Variants in SLC12A9 observed in about 807,000 individuals in gnomAD.
SLC12A9 encodes CCC-interacting protein 1.
In SLC12A9, 55 loss-of-function variants were observed where a neutral mutation model predicts 66.0. The observed-to-expected ratio is 0.83, with a 90% CI of 0.67 to 1.04. SLC12A9 has a LOEUF of 1.04. SLC12A9 is among the 50% of genes least tolerant of loss of function. The pLI, the probability that SLC12A9 is intolerant of heterozygous loss-of-function variation, is 0.00. For missense variants in SLC12A9, 1,061 were observed against 1,241.9 expected, an observed-to-expected ratio of 0.85 and a Z score of 2.19; for synonymous variants, 577 against 569.0, an observed-to-expected ratio of 1.01 and a Z score of -0.20.
At chr7:100,848,138 A>AT (rs1813959326), upstream of SLC12A9, among the ~76,000 whole-genome samples, 1 of 150,716 alleles carries the variant, frequency 6.6e-6, no homozygotes, top group African/African-American at 2.4e-5. Flanking sequence ...ATTGTTGGCT[A>AT]TACAGCCTGA....
At chr7:100,832,541 G>C (rs1813563806) in intron 1 of SLC12A9, among the ~76,000 whole-genome samples, 1 of 151,882 alleles carries the variant, frequency 6.6e-6, no homozygotes, top group African/African-American at 2.4e-5. Flanking sequence ...CCATCCTAGA[G>C]GAAAGACAGA....
chr7:100,839,519 T>C (rs1224956969), intron 1 of SLC12A9, among the ~76,000 whole-genome samples: 1 of 152,214 alleles, frequency 6.6e-6, no homozygotes, highest in Non-Finnish European at 1.5e-5. Flanking sequence ...AGGCAGCTCC[T>C]TAGGCGGCTT....
At chr7:100,848,833 C>A (rs1209517312), upstream of SLC12A9, among the ~76,000 whole-genome samples, 1 of 151,698 alleles carries the variant, frequency 6.6e-6, no homozygotes, top group Non-Finnish European at 1.5e-5. Flanking sequence ...TTGCAGTGAG[C>A]CGAGATCGTG....
At chr7:100,831,496 G>A (rs1328255945) in intron 1 of SLC12A9, among the ~76,000 whole-genome samples, 1 of 148,748 alleles carries the variant, frequency 6.7e-6, no homozygotes, top group African/African-American at 2.5e-5. Context: ...CTTTTTTTTA[G>A]AGATAGGGTC....
rs781190496 is a variant in SLC12A9 at position 100,866,065 on chromosome 7, G to T, written c.2205G>T (p.Arg735=). Reference sequence around the variant, plus strand: ...GGCCCCTCAACCTGCTGCGGCCCCGGGGTGGGCCCGGCTATGTGGATGTCT... The same window carrying T: ...GGCCCCTCAACCTGCTGCGGCCCCGTGGTGGGCCCGGCTATGTGGATGTCT... ...DVWPLNLLRP[R]GGPGYVDVCG... is the part of the protein sequence containing the mutation. Residue 735 remains arginine, a synonymous_variant, in exon 14 of 14, where the codon CGG becomes CGT. Transcript: ENST00000354161. The surrounding 1 kb of genome is among the most constrained non-coding windows in gnomAD (Gnocchi z 7.3). The T allele has an allele frequency of 1.2e-6, 2 of 1,612,830 alleles. No individual in the cohort carries two copies. The highest frequency in any genetic ancestry group is 8.5e-7 in the Non-Finnish European group (1 of 1,179,876).
At position 100,865,737 on chromosome 7, in the gene SLC12A9, C is replaced by T. The variant is rs755769547; in HGVS notation, c.1877C>T (p.Thr626Met). 9.3e-6 allele frequency: 15 copies of T among 1,611,150 alleles called. No homozygotes were observed. The highest frequency in any genetic ancestry group is 2.2e-5 in the East Asian group (1 of 44,840). The change falls in exon 14 of 14, where the codon ACG becomes ATG. Residue 626 changes from threonine (T) to methionine (M), a missense_variant. Transcript: ENST00000354161. Reference sequence around the variant, plus strand: ...CCCCCAGGTGGCATGAAGCCCAACACGTTGGTCCTAGGTTTCTACGATGAC... The same window carrying T: ...CCCCCAGGTGGCATGAAGCCCAACATGTTGGTCCTAGGTTTCTACGATGAC... ...ISGLGGMKPN[T>M]LVLGFYDDAP...
At position 100,861,325 on chromosome 7, in the gene SLC12A9, C is replaced by A; in HGVS notation, c.1343+63C>A. ...GGAGGACTCGGGCTCAGGCGTGGGG[C>A]TGGGGACTGCAGCCTCGTGTGCGGC... On this transcript the variant is annotated intron_variant, in intron 10 of 13. Coordinates refer to ENST00000354161, the MANE Select transcript of SLC12A9 (RefSeq NM_020246.4). This position sits in a 1 kb window ranked among gnomAD's most constrained non-coding sequence, Gnocchi z 5.3. The A allele has an allele frequency of 6.2e-7, 1 of 1,612,472 alleles. No individual in the cohort carries two copies. The highest frequency in any genetic ancestry group is 8.5e-7 in the Non-Finnish European group (1 of 1,178,788).
At position 100,844,056 on chromosome 7, in the gene SLC12A9, G is replaced by GT. The variant is rs1475470603; in HGVS notation, n.229-15829_229-15828insT. On this transcript the variant is annotated intron_variant and non_coding_transcript_variant, in intron 1 of 1. Coordinates refer to the SLC12A9 transcript ENST00000461016. ...GCTGACTGGTCCACGCATGGCCGAA[G>GT]CATGAGAAAACTCATCGCAGGACTC... 2.4e-4 allele frequency among the ~76,000 whole-genome samples: 37 copies of GT among 152,300 alleles called. No individual in the cohort carries two copies. The South Asian group carries it at 6.0e-3, about 25-fold the overall frequency.
chr7:100,848,000 C>T (rs72615163), upstream of SLC12A9, among the ~76,000 whole-genome samples: 3,297 of 146,760 alleles, frequency 0.022, 301 homozygotes, highest in East Asian at 0.33. Context: ...GCAGGAGAAT[C>T]GCTTGAACCC....
intron 1 of SLC12A9, among the ~76,000 whole-genome samples, chr7:100,846,503 C>T (rs1016059299): frequency 2.6e-5 from 4 of 151,600 alleles, no homozygotes; most frequent in African/African-American, 7.3e-5. Context: ...GGAGGCGGAG[C>T]TGGCAGTGAG....
rs768393256 is a variant in SLC12A9 at position 100,860,193 on chromosome 7, C to T, written c.1179C>T (p.Asn393=). 1 of 1,614,206 alleles carries T rather than the reference C, an allele frequency of 6.2e-7. No homozygotes were observed. Among genetic ancestry groups the T allele is most frequent in the Non-Finnish European group, 8.5e-7 (1 of 1,180,028 alleles). Residue 393 remains asparagine (N), a synonymous_variant, in exon 9 of 14, where the codon AAC becomes AAT. Transcript: ENST00000354161. ...APAKVVSRGG[N]PWAAVLYSWG... ...CCAAGGTTGTGTCCCGAGGGGGAAACCCCTGGGCAGCTGTACTTTATTCTT... is the reference window on the plus strand; with the variant it reads ...CCAAGGTTGTGTCCCGAGGGGGAAATCCCTGGGCAGCTGTACTTTATTCTT...
At chr7:100,860,838 G>A in intron 9 of SLC12A9, 2 of 488,548 alleles carry the variant, frequency 4.1e-6, no homozygotes, top group Non-Finnish European at 7.7e-6. Context: ...CTGACACTTT[G>A]GGGGTACACT....
chr7:100,861,954 T>C lies in SLC12A9; in HGVS notation c.1711+43T>C. The C allele has an allele frequency of 1.4e-6, 2 of 1,461,674 alleles. No homozygotes were observed. The highest frequency in any genetic ancestry group is 1.4e-5 in the South Asian group (1 of 71,314). The allele number at this position is 1,461,674 out of a possible 1,614,324, so 90.5% of individuals were successfully genotyped here. A position where few individuals can be genotyped will look rare whatever the true frequency, so the allele number is the denominator to read the frequency against. ...TCACTCACTCACTCCCATCCTTCTC[T>C]CCCCCTACCTTTTTTTTTTTTTTGA... is the stretch of plus-strand genomic sequence containing the variant. On this transcript the variant is annotated intron_variant, in intron 12 of 13. Transcript: ENST00000354161. This position sits in a 1 kb window ranked among gnomAD's most constrained non-coding sequence, Gnocchi z 5.3.
chr7:100,843,031 T>G (rs897284878), intron 1 of SLC12A9, among the ~76,000 whole-genome samples: 2 of 152,266 alleles, frequency 1.3e-5, no homozygotes, highest in Non-Finnish European at 1.5e-5. Flanking sequence ...AGGGATGCGA[T>G]GAGCTTAAGA....
chr7:100,838,201 A>G (rs141537187), intron 1 of SLC12A9, among the ~76,000 whole-genome samples: 2,073 of 149,772 alleles, frequency 0.014, 47 homozygotes, highest in African/African-American at 0.048. Flanking sequence ...CAGTCTTGCT[A>G]TGTTGCCCAG....
chr7:100,866,504 C>T lies in SLC12A9; in HGVS notation c.2644C>T (p.Arg882Ter), dbSNP rs966758479. Residue 882 changes from arginine (R) to a stop codon, truncating the protein, a stop_gained, in exon 14 of 14, where the codon CGA (arginine) becomes TGA (stop). Transcript: ENST00000354161. LOFTEE classifies it high-confidence loss of function. This position sits in a 1 kb window ranked among gnomAD's most constrained non-coding sequence, Gnocchi z 7.3. ...GCCTCGGCCGCCAGCCGATCCCGCC[C>T]GATACCCCCGCTACCTGGCGCTACT... ...YLPRPPADPARYPRYLALLET... is the reference protein window; with the variant it reads ...YLPRPPADPA The T allele has an allele frequency of 3.2e-6, 5 of 1,565,078 alleles. No individual in the cohort carries two copies. Among genetic ancestry groups the T allele is most frequent in the South Asian group, 1.2e-5 (1 of 85,266 alleles).
rs1456376885 is a variant in SLC12A9 at position 100,860,200 on chromosome 7, G to T, written c.1186G>T (p.Ala396Ser). ...KVVSRGGNPW[A>S]AVLYSWGLVQ... ...TGTGTCCCGAGGGGGAAACCCCTGG[G>T]CAGCTGTACTTTATTCTTGGGGCCT... The change falls in exon 9 of 14, where the codon GCA becomes TCA. Residue 396 changes from alanine (A) to serine (S), a missense_variant. Ala to Ser is a moderately conservative substitution (Grantham distance 99, BLOSUM62 1). Transcript: ENST00000354161. The T allele has an allele frequency of 1.9e-6, 3 of 1,614,072 alleles. No homozygotes were observed. Among genetic ancestry groups the T allele is most frequent in the African/African-American group, 1.3e-5 (1 of 74,936 alleles).
At chr7:100,864,952 C>T (rs1369488979) in intron 13 of SLC12A9, among the ~76,000 whole-genome samples, 1 of 151,798 alleles carries the variant, frequency 6.6e-6, no homozygotes, top group African/African-American at 2.4e-5. Flanking sequence ...CGGGGTAGCC[C>T]TGTTTCTTTT....
intron 1 of SLC12A9, among the ~76,000 whole-genome samples, chr7:100,845,104 C>G (rs746753224): frequency 4.0e-5 from 6 of 151,788 alleles, no homozygotes; most frequent in Non-Finnish European, 8.8e-5. Flanking sequence ...TTGGACAATA[C>G]TGTATAGCAA....
Sources: gnomAD v4.1 joint callset for allele counts (sites outside exome capture counted in the v4.1 genomes callset) on GRCh38, gnomAD v4.1.1 for gene constraint, Gnocchi (gnomAD v3.1) non-coding constraint, MANE v1.5 for transcripts, NCBI Gene and HGNC (gene_info 2026-07-23, HGNC 2026-07-21) for gene names.